The following NRIP1 variants were observed in gnomAD, a reference collection of about 807,000 sequenced individuals.
NRIP1 encodes nuclear receptor-interacting protein 1.
In NRIP1, 28 loss-of-function variants were observed where a neutral mutation model predicts 75.0. The observed-to-expected ratio is 0.37, with a 90% confidence interval of 0.28 to 0.51. The LOEUF (loss-of-function observed/expected upper bound fraction) is 0.51, where lower values mean the gene tolerates loss of function less well. Ranked by LOEUF, NRIP1 falls within the 20% of genes least tolerant of loss-of-function variation. NRIP1 has a pLI of 0.92. For missense variants in NRIP1, 1,435 were observed against 1,343.7 expected, an observed-to-expected ratio of 1.07 and a Z score of -1.06; for synonymous variants, 526 against 487.6, an observed-to-expected ratio of 1.08 and a Z score of -1.04.
intron 3 of NRIP1, among the ~76,000 whole-genome samples, chr21:14,977,568 T>C (rs1343845414): frequency 7.6e-6 from 1 of 131,578 alleles, no homozygotes; most frequent in East Asian, 2.7e-4. Flanking sequence ...GAATCCTCTA[T>C]TATCAATTAA....
chr21:14,965,702 G>C lies in NRIP1; in HGVS notation c.2491C>G (p.Leu831Val). ...RLLRQNQDSY[L>V]ADDSDRSHRN... ...TGACTCCTGTCTGAATCATCTGCCA[G>C]GTAACTATCTTGATTTTGTCTTAGC... The change falls in exon 4 of 4, where the codon CTG becomes GTG. Residue 831 changes from leucine to valine, a missense_variant. Leu to Val is a conservative substitution (Grantham distance 32). Coordinates refer to ENST00000318948, the MANE Select transcript of NRIP1 (RefSeq NM_003489.4). 1 of 1,613,770 alleles carries C rather than the reference G, an allele frequency of 6.2e-7. No homozygotes were observed. The highest frequency in any genetic ancestry group is 8.5e-7 in the Non-Finnish European group (1 of 1,179,972).
intron 3 of NRIP1, among the ~76,000 whole-genome samples, chr21:14,970,109 C>G (rs547175135): frequency 4.3e-4 from 65 of 152,274 alleles, no homozygotes; most frequent in Non-Finnish European, 6.3e-4. Flanking sequence ...CTTTTCTCCC[C>G]CCTCTGGTTA....
At chr21:15,047,412 C>T (rs537695517) in intron 1 of NRIP1, among the ~76,000 whole-genome samples, 204 of 152,182 alleles carry the variant, frequency 1.3e-3, no homozygotes, top group African/African-American at 4.4e-3. Context: ...TGGTGGCGGG[C>T]GCCTGTGGTC....
intron 3 of NRIP1, among the ~76,000 whole-genome samples, chr21:14,997,744 T>C (rs1321958185): frequency 2.0e-5 from 3 of 149,292 alleles, no homozygotes; most frequent in Non-Finnish European, 3.0e-5. Context: ...TATATTTATA[T>C]ATACAATTTA....
chr21:15,027,107 A>G (rs952523771), intron 2 of NRIP1, among the ~76,000 whole-genome samples: 2 of 152,234 alleles, frequency 1.3e-5, no homozygotes, highest in African/African-American at 4.8e-5. Context: ...CAAAACAAAA[A>G]CATAAAGTAA....
intron 3 of NRIP1, among the ~76,000 whole-genome samples, chr21:14,972,521 C>T (rs1305074680): frequency 6.6e-6 from 1 of 152,146 alleles, no homozygotes; most frequent in Admixed American, 6.5e-5. Flanking sequence ...CCACATTATT[C>T]ATGAAATTCC....
intron 3 of NRIP1, among the ~76,000 whole-genome samples, chr21:14,988,631 T>A: frequency 6.6e-6 from 1 of 152,116 alleles, no homozygotes; most frequent in Non-Finnish European, 1.5e-5. Flanking sequence ...ACAGGTTTAC[T>A]TAAAGCAAAA....
intron 2 of NRIP1, among the ~76,000 whole-genome samples, chr21:15,041,295 T>C (rs897103788): frequency 1.3e-5 from 2 of 152,156 alleles, no homozygotes; most frequent in African/African-American, 4.8e-5. Flanking sequence ...AACTAATCTA[T>C]AGTAAAAGAC....
chr21:15,010,252 A>C (rs937639156), intron 3 of NRIP1, among the ~76,000 whole-genome samples: 1 of 152,214 alleles, frequency 6.6e-6, no homozygotes, highest in Non-Finnish European at 1.5e-5. Flanking sequence ...AATCAAGGAG[A>C]CTATCAGGTT....
chr21:15,027,882 A>T (rs1379029463), intron 2 of NRIP1, among the ~76,000 whole-genome samples: 1 of 152,210 alleles, frequency 6.6e-6, no homozygotes, highest in Non-Finnish European at 1.5e-5. Context: ...TCCATTTTAA[A>T]GAGCAAAGTT....
At chr21:14,997,027 T>C (rs2087748029) in intron 3 of NRIP1, among the ~76,000 whole-genome samples, 1 of 152,170 alleles carries the variant, frequency 6.6e-6, no homozygotes, top group African/African-American at 2.4e-5. Flanking sequence ...GCATTTCGGA[T>C]ATTTCTCCCT....
chr21:14,970,824 T>C (rs142121543), intron 3 of NRIP1, among the ~76,000 whole-genome samples: 4 of 152,362 alleles, frequency 2.6e-5, no homozygotes, highest in African/African-American at 9.6e-5. Context: ...TTTCTACTTT[T>C]TACTGTGCAT....
Position 14,966,899 on chromosome 21 carries a change from C to T in NRIP1, c.1294G>A (p.Glu432Lys). 6.2e-7 allele frequency: 1 copy of T among 1,614,130 alleles called. No homozygotes were observed. Among genetic ancestry groups the T allele is most frequent in the South Asian group, 1.1e-5 (1 of 91,084 alleles). ...PSFTDDSSGDESSYSNCVPID... is the reference protein window; with the variant it reads ...PSFTDDSSGDKSSYSNCVPID... ...GGAACACAGTTGGAATAAGAACTTT[C>T]ATCACCACTGCTGTCATCTGTAAAA... Residue 432 changes from glutamate to lysine, a missense_variant, in exon 4 of 4, where the codon GAA (glutamate) becomes AAA (lysine). Glu to Lys is a moderately conservative substitution (Grantham distance 56). Coordinates refer to ENST00000318948, the MANE Select transcript of NRIP1 (RefSeq NM_003489.4).
At chr21:14,983,853 G>T (rs887975780) in intron 3 of NRIP1, among the ~76,000 whole-genome samples, 1 of 152,164 alleles carries the variant, frequency 6.6e-6, no homozygotes, top group African/African-American at 2.4e-5. Context: ...ACCATGATTT[G>T]CTGAATATTT....
intron 3 of NRIP1, among the ~76,000 whole-genome samples, 160 bp from the exon 4 acceptor site, chr21:14,968,686 T>C (rs2146946540): frequency 6.6e-6 from 1 of 152,306 alleles, no homozygotes; most frequent in South Asian, 2.1e-4. Flanking sequence ...TTTGTTTTAT[T>C]GCCGTTCCTA....
At chr21:15,060,028 A>T (rs1326638899) in intron 1 of NRIP1, among the ~76,000 whole-genome samples, 1 of 152,198 alleles carries the variant, frequency 6.6e-6, no homozygotes, top group African/African-American at 2.4e-5. Flanking sequence ...TGATAAGCTA[A>T]AATACCACAA....
At chr21:15,043,192 C>G (rs2088996074) in intron 2 of NRIP1, among the ~76,000 whole-genome samples, 1 of 152,166 alleles carries the variant, frequency 6.6e-6, no homozygotes, top group Admixed American at 6.5e-5. Flanking sequence ...CTTTATGTAT[C>G]TCATTTTCAA....
intron 2 of NRIP1, among the ~76,000 whole-genome samples, chr21:15,033,407 G>C (rs964541699): frequency 3.3e-5 from 5 of 152,058 alleles, no homozygotes; most frequent in Admixed American, 2.6e-4. Context: ...TAGTAAGTAA[G>C]TGGCAGAGTT....
At chr21:14,996,473 A>G (rs1364754583) in intron 3 of NRIP1, among the ~76,000 whole-genome samples, 2 of 152,130 alleles carry the variant, frequency 1.3e-5, no homozygotes, top group African/African-American at 4.8e-5. Flanking sequence ...CTCAGCTTAA[A>G]TATCACCCGC....
Sources: gnomAD v4.1 joint callset for allele counts (sites outside exome capture counted in the v4.1 genomes callset) on GRCh38, gnomAD v4.1.1 for gene constraint, MANE v1.5 for transcripts, NCBI Gene and HGNC (gene_info 2026-07-23, HGNC 2026-07-21) for gene names.